Variants in ABR observed in about 807,000 individuals in gnomAD.
ABR encodes active breakpoint cluster region-related protein.
Under a neutral mutation model 107.2 loss-of-function variants are expected in ABR, and 35 were observed. The observed-to-expected ratio is 0.33, with a 90% CI of 0.25 to 0.43. ABR has a LOEUF of 0.43. ABR is among the 20% of genes least tolerant of loss of function. ABR has a pLI of 1.00. For synonymous variants in ABR, 498 were observed against 462.0 expected (o/e 1.08, Z -1.00); for missense variants, 815 against 1,115.2 (o/e 0.73, Z 3.83).
upstream of ABR, among the ~76,000 whole-genome samples, chr17:1,191,014 C>A (rs577570032): frequency 6.6e-6 from 1 of 152,196 alleles, no homozygotes; most frequent in African/African-American, 2.4e-5. Flanking sequence ...ACGACTTCTG[C>A]GGCTGCAGAT....
rs1597342431 is a variant in ABR, at chr17:1,010,163, T to G, written c.2237-379A>C. 3.8e-6 allele frequency: 1 copy of G among 265,284 alleles called. No homozygotes were observed. Among genetic ancestry groups the G allele is most frequent in the East Asian group, 7.5e-5 (1 of 13,306 alleles). The allele number at this position is 265,284 out of a possible 1,614,324, so 16.4% of individuals were successfully genotyped here. On this transcript the variant is annotated intron_variant, in intron 20 of 22. Transcript: ENST00000302538. This position sits in a 1 kb window ranked among gnomAD's most constrained non-coding sequence, Gnocchi z 4.1. ...GATTCTCTTTCTCCACCCCTTCTGCTGCTGGAGCGTGGGTGCAAGCAGCCT... is the reference window on the plus strand; with the variant it reads ...GATTCTCTTTCTCCACCCCTTCTGCGGCTGGAGCGTGGGTGCAAGCAGCCT...
intron 1 of ABR, among the ~76,000 whole-genome samples, chr17:1,169,287 A>G (rs1012180970): frequency 1.3e-5 from 2 of 152,232 alleles, no homozygotes; most frequent in African/African-American, 4.8e-5. Flanking sequence ...ACAATGGCCA[A>G]TCCCCCTTCT....
At chr17:1,068,386 G>A (rs2034935531) in intron 9 of ABR, among the ~76,000 whole-genome samples, 1 of 152,226 alleles carries the variant, frequency 6.6e-6, no homozygotes, top group South Asian at 2.1e-4. Context: ...GGGCTGAAGG[G>A]AGAGGTAGGA....
intron 1 of ABR, among the ~76,000 whole-genome samples, chr17:1,176,096 C>CA (rs368683289): frequency 1.0e-3 from 140 of 140,692 alleles, no homozygotes; most frequent in Middle Eastern, 3.6e-3. Context: ...GACTCCGTGT[C>CA]AAAAAAAAAA....
chr17:1,179,591 C>T lies in ABR; in HGVS notation c.61+76G>A. 7.2e-7 allele frequency: 1 copy of T among 1,381,706 alleles called. No individual in the cohort carries two copies. The highest frequency in any genetic ancestry group is 9.5e-7 in the Non-Finnish European group (1 of 1,052,246). 85.6% of individuals were successfully genotyped at this position (1,381,706 alleles called of 1,614,324 possible). ...GATCCCGATCTTGGGGTCCCGATCC[C>T]GATCCTGGGGTCCCGATCTCCATCC... is the stretch of plus-strand genomic sequence containing the variant. On this transcript the variant is annotated intron_variant, in intron 1 of 22. Coordinates refer to ENST00000302538, the MANE Select transcript of ABR (RefSeq NM_021962.5). The surrounding 1 kb of genome is among the most constrained non-coding windows in gnomAD (Gnocchi z 4.9).
intron 16 of ABR, among the ~76,000 whole-genome samples, chr17:1,041,445 A>G (rs2150979613): frequency 6.6e-6 from 1 of 152,276 alleles, no homozygotes; most frequent in South Asian, 2.1e-4. Flanking sequence ...GAATCAATAA[A>G]GAAACTTGGC....
intron 1 of ABR, among the ~76,000 whole-genome samples, chr17:1,213,616 C>T (rs1442860132): frequency 6.6e-6 from 1 of 152,132 alleles, no homozygotes; most frequent in African/African-American, 2.4e-5. Context: ...TGGTCTCAAA[C>T]TCCTGACCTC....
At chr17:1,052,251 C>T (rs1032474043) in intron 14 of ABR, among the ~76,000 whole-genome samples, 5 of 151,694 alleles carry the variant, frequency 3.3e-5, no homozygotes, top group African/African-American at 1.2e-4. Context: ...CTGGGCCAGA[C>T]CAGGGAGTGG....
intron 1 of ABR, among the ~76,000 whole-genome samples, chr17:1,160,712 A>G (rs1302216728): frequency 2.0e-5 from 3 of 152,200 alleles, no homozygotes; most frequent in African/African-American, 7.2e-5. Context: ...TGACTCAGCC[A>G]GGGCCACCCC....
intron 1 of ABR, among the ~76,000 whole-genome samples, chr17:1,220,119 A>G (rs1005169142): frequency 4.0e-5 from 6 of 151,438 alleles, no homozygotes; most frequent in Middle Eastern, 3.4e-3. Flanking sequence ...GTGAAATCCC[A>G]TCTCTACTCA....
chr17:1,048,053 G>C (rs2031899337), intron 16 of ABR, among the ~76,000 whole-genome samples: 1 of 152,178 alleles, frequency 6.6e-6, no homozygotes, highest in African/African-American at 2.4e-5. Context: ...GCACAGGCCA[G>C]CCCAGAACCC....
intron 16 of ABR, among the ~76,000 whole-genome samples, chr17:1,044,663 AAT>A (rs1491016658): frequency 6.6e-6 from 1 of 151,350 alleles, no homozygotes; most frequent in Non-Finnish European, 1.5e-5. Flanking sequence ...AAAAAAAAAA[AAT>A]ACCTCTTCCG....
chr17:1,080,124 C>T (rs568766432), intron 5 of ABR, among the ~76,000 whole-genome samples: 2 of 152,284 alleles, frequency 1.3e-5, no homozygotes, highest in South Asian at 4.1e-4. Context: ...AAGGGTCCCA[C>T]ACGCCAGCAG....
Position 1,075,965 on chromosome 17 carries a change from C to G in ABR, c.701-2288G>C, listed in dbSNP as rs181611990. On this transcript the variant is annotated intron_variant, in intron 6 of 22. Transcript: ENST00000302538. The stretch of plus-strand genomic sequence containing the variant: ...GCTGAGGCAGGGGAATCTCTTGAAT[C>G]CAGGAGGCAGAGGTTGCAGTGAGCT... 8.5e-5 allele frequency among the ~76,000 whole-genome samples: 13 copies of G among 152,292 alleles called. No individual in the cohort carries two copies. The East Asian group carries it at 2.5e-3, about 29-fold the overall frequency.
At chr17:1,073,728 C>A in intron 6 of ABR, 51 bp from the exon 7 acceptor site, 4 of 1,508,964 alleles carry the variant, frequency 2.7e-6, no homozygotes, top group Non-Finnish European at 3.6e-6. Context: ...ACGAGGGCAA[C>A]CCAACACCCC....
At chr17:1,120,305 G>T (rs1312977970) in intron 2 of ABR, among the ~76,000 whole-genome samples, 2 of 151,504 alleles carry the variant, frequency 1.3e-5, no homozygotes, top group Non-Finnish European at 2.9e-5. Context: ...ATCTCACTCT[G>T]TCCCCCTGGC....
chr17:1,107,855 T>C (rs2038362942), intron 2 of ABR, among the ~76,000 whole-genome samples: 1 of 152,210 alleles, frequency 6.6e-6, no homozygotes, highest in Non-Finnish European at 1.5e-5. Flanking sequence ...GCTCCACCCA[T>C]ACTCACACAT....
At chr17:1,218,017 A>G (rs1223612226) in intron 1 of ABR, among the ~76,000 whole-genome samples, 1 of 152,100 alleles carries the variant, frequency 6.6e-6, no homozygotes, top group Non-Finnish European at 1.5e-5. Flanking sequence ...TTTAGTGGAG[A>G]CGGGGTTTCA....
chr17:1,157,249 C>CT lies in ABR; in HGVS notation c.61+22417dup, dbSNP rs545131491. Among the ~76,000 whole-genome samples, 177 of 121,772 alleles carry CT rather than the reference C, an allele frequency of 1.5e-3. No homozygotes were observed. The highest frequency in any genetic ancestry group is 4.1e-3 in the Middle Eastern group (1 of 246). 79.9% of individuals were successfully genotyped at this position (121,772 alleles called of 152,430 possible). A position where few individuals can be genotyped will look rare whatever the true frequency, so the allele number is the denominator to read the frequency against. On this transcript the variant is annotated intron_variant, in intron 1 of 22. Transcript: ENST00000302538. This position sits in a 1 kb window ranked among gnomAD's most constrained non-coding sequence, Gnocchi z 4.7. ...GTCAGTCGTGCTACAGCGCACATTA[C>CT]TTTTTTTTTTTTTTTTTTTGAGATG...
Sources: allele counts gnomAD v4.1 joint callset (sites outside exome capture counted in the v4.1 genomes callset), GRCh38; gene constraint gnomAD v4.1.1; non-coding constraint Gnocchi (gnomAD v3.1); transcripts MANE v1.5; gene names NCBI Gene and HGNC (gene_info 2026-07-23, HGNC 2026-07-21).